LRMDA: variants seen among roughly 807,000 people sequenced by gnomAD.
The protein encoded by LRMDA is leucine-rich melanocyte differentiation-associated protein.
Under a neutral mutation model 29.8 loss-of-function variants are expected in LRMDA, and 18 were observed. That is an observed-to-expected ratio of 0.60 (90% CI 0.42 to 0.90). The LOEUF is 0.90. LRMDA is among the 40% of genes least tolerant of loss of function. LRMDA has a pLI of 0.00. For synonymous variants in LRMDA, 125 were observed against 109.4 expected (o/e 1.14, Z -0.89); for missense variants, 273 against 273.9 (o/e 1.00, Z 0.02).
At chr10:75,796,653 A>C (rs971008059) in intron 2 of LRMDA, among the ~76,000 whole-genome samples, 6 of 151,890 alleles carry the variant, frequency 4.0e-5, no homozygotes, top group Non-Finnish European at 7.4e-5. Context: ...GCTCACTGCA[A>C]CCTCTGCCTC....
intron 2 of LRMDA, among the ~76,000 whole-genome samples, chr10:75,633,432 G>C (rs1841352910): frequency 6.6e-6 from 1 of 152,154 alleles, no homozygotes; most frequent in Non-Finnish European, 1.5e-5. Flanking sequence ...GTGTGGGTTT[G>C]TATTCTTTAG....
At chr10:76,480,865 T>A (rs1379937506) in intron 6 of LRMDA, among the ~76,000 whole-genome samples, 1 of 151,876 alleles carries the variant, frequency 6.6e-6, no homozygotes, top group East Asian at 1.9e-4. Context: ...TCCCAGTAAG[T>A]TCGAAGAATA....
At chr10:76,035,101 T>C (rs1330101586) in intron 2 of LRMDA, among the ~76,000 whole-genome samples, 1 of 151,938 alleles carries the variant, frequency 6.6e-6, no homozygotes, top group Admixed American at 6.6e-5. Context: ...CTGCTGTTTT[T>C]TTTTTTTTTT....
Position 75,783,000 on chromosome 10 carries a change from G to A in LRMDA, c.132-253008G>A, listed in dbSNP as rs745930126. ...AATGGAAAAGTATTTGTCACTCAGC[G>A]GCAATCATTCTTCAAATAAAAGGTT... is the stretch of plus-strand genomic sequence containing the variant. On this transcript the variant is annotated intron_variant, in intron 2 of 6. Transcript: ENST00000611255. 40 of 1,613,944 alleles carry A rather than the reference G, an allele frequency of 2.5e-5. No individual in the cohort carries two copies. Among genetic ancestry groups the A allele is most frequent in the Admixed American group, 6.7e-5 (4 of 59,986 alleles).
At chr10:76,459,631 T>C (rs1368202664) in intron 6 of LRMDA, among the ~76,000 whole-genome samples, 1 of 152,188 alleles carries the variant, frequency 6.6e-6, no homozygotes, top group Non-Finnish European at 1.5e-5. Context: ...GAGGAAATGG[T>C]TGCTGTAAAT....
chr10:75,871,642 A>G (rs1485319357), intron 2 of LRMDA, among the ~76,000 whole-genome samples: 6 of 152,086 alleles, frequency 3.9e-5, no homozygotes, highest in Admixed American at 3.3e-4. Context: ...CTCAGGCTCC[A>G]CTTTCAGTAG....
chr10:76,208,562 G>A (rs187646890), intron 5 of LRMDA, among the ~76,000 whole-genome samples: 176 of 152,314 alleles, frequency 1.2e-3, no homozygotes, highest in African/African-American at 3.9e-3. Flanking sequence ...CCCAGAGCCT[G>A]GTCCAGCCAG....
Position 75,763,827 on chromosome 10 carries a change from T to C in LRMDA, c.132-272181T>C, listed in dbSNP as rs144585090. On this transcript the variant is annotated intron_variant, in intron 2 of 6. Coordinates refer to ENST00000611255, the MANE Select transcript of LRMDA (RefSeq NM_001305581.2). ...GGGAAACTTGGTTTCCAACCCTGTG[T>C]CCACCATGCTTAGCGGAATGACCTT... 4.9e-3 allele frequency among the ~76,000 whole-genome samples: 750 copies of C among 152,122 alleles called. 11 individuals carry two copies. Among genetic ancestry groups the C allele is most frequent in the African/African-American group, 0.017 (722 of 41,468 alleles).
intron 6 of LRMDA, among the ~76,000 whole-genome samples, chr10:76,519,444 A>G (rs1220304743): frequency 6.6e-6 from 1 of 152,222 alleles, no homozygotes; most frequent in East Asian, 1.9e-4. Flanking sequence ...TGTAAAGTCA[A>G]AAGTATATTC....
intron 2 of LRMDA, among the ~76,000 whole-genome samples, chr10:75,948,426 A>G (rs576841234): frequency 5.3e-5 from 8 of 152,328 alleles, no homozygotes; most frequent in South Asian, 2.1e-4. Context: ...CGCAGTCTTC[A>G]TTATAAAAGA....
chr10:76,039,554 G>A (rs1257574402), intron 3 of LRMDA, among the ~76,000 whole-genome samples: 1 of 152,170 alleles, frequency 6.6e-6, no homozygotes, highest in African/African-American at 2.4e-5. Context: ...CTATAATAAT[G>A]CTGTAGGTTC....
intron 2 of LRMDA, among the ~76,000 whole-genome samples, chr10:75,606,785 G>C (rs1840961856): frequency 6.6e-6 from 1 of 152,198 alleles, no homozygotes; most frequent in African/African-American, 2.4e-5. Context: ...AAACAGATCT[G>C]AGGGTATTTT....
intron 5 of LRMDA, among the ~76,000 whole-genome samples, chr10:76,240,469 GTTATAT>G (rs1435784534): frequency 6.9e-6 from 1 of 145,608 alleles, no homozygotes; most frequent in Non-Finnish European, 1.5e-5. Context: ...TTATATATAT[GTTATAT>G]TTATATATGT....
At chr10:75,663,498 A>G (rs1841781609) in intron 2 of LRMDA, among the ~76,000 whole-genome samples, 1 of 152,134 alleles carries the variant, frequency 6.6e-6, no homozygotes, top group Admixed American at 6.5e-5. Context: ...GTGTGTTCTT[A>G]TCTTGGTCCA....
intron 5 of LRMDA, among the ~76,000 whole-genome samples, chr10:76,224,135 TG>T (rs1851904394): frequency 6.6e-6 from 1 of 151,900 alleles, no homozygotes; most frequent in Non-Finnish European, 1.5e-5. Flanking sequence ...AAAATTTATA[TG>T]ACTCTCAAAT....
intron 2 of LRMDA, among the ~76,000 whole-genome samples, chr10:75,872,724 A>G (rs946657328): frequency 6.6e-6 from 1 of 152,132 alleles, no homozygotes; most frequent in South Asian, 2.1e-4. Flanking sequence ...CTGTTTACCT[A>G]TAAAAATTCT....
chr10:76,446,737 A>G (rs941846101), intron 6 of LRMDA, among the ~76,000 whole-genome samples: 2 of 152,224 alleles, frequency 1.3e-5, no homozygotes, highest in Non-Finnish European at 2.9e-5. Context: ...AAGAAAAAGC[A>G]GGTTGGAGCT....
At chr10:75,717,643 C>T (rs1050245907) in intron 2 of LRMDA, among the ~76,000 whole-genome samples, 1 of 152,150 alleles carries the variant, frequency 6.6e-6, no homozygotes, top group Non-Finnish European at 1.5e-5. Flanking sequence ...TGGTTAACCT[C>T]ACCAGATGAC....
chr10:76,525,616 C>CT (rs11436479), intron 6 of LRMDA, among the ~76,000 whole-genome samples: 117,657 of 151,898 alleles, frequency 0.77, 46,042 homozygotes, highest in Non-Finnish European at 0.83. Context: ...TGGCGGACTA[C>CT]ATTTCTTATG....
Sources: gnomAD v4.1 joint callset for allele counts (sites outside exome capture counted in the v4.1 genomes callset) on GRCh38, gnomAD v4.1.1 for gene constraint, MANE v1.5 for transcripts, NCBI Gene and HGNC (gene_info 2026-07-23, HGNC 2026-07-21) for gene names.